Variants in TTC28 observed in about 807,000 individuals in gnomAD.
The protein encoded by TTC28 is tetratricopeptide repeat domain 28, also known as tetratricopeptide repeat protein 28.
A neutral mutation model predicts 198.0 loss-of-function variants in TTC28; 61 were observed. The ratio of observed to expected loss-of-function variants is 0.31; its 90% CI spans 0.25 to 0.38. TTC28 has a LOEUF of 0.38. TTC28 is among the 10% of genes least tolerant of loss of function. The pLI, the probability that TTC28 is intolerant of heterozygous loss-of-function variation, is 1.00. For synonymous variants in TTC28, 1,171 were observed against 1,297.8 expected, an observed-to-expected ratio of 0.90 and a Z score of 2.10; for missense variants, 2,678 against 3,164.0, an observed-to-expected ratio of 0.85 and a Z score of 3.69.
At chr22:28,210,498 G>A (rs1294201130) in intron 5 of TTC28, among the ~76,000 whole-genome samples, 2 of 152,096 alleles carry the variant, frequency 1.3e-5, no homozygotes, top group African/African-American at 2.4e-5. Context: ...ACATACACAA[G>A]CTTCAGCAGC....
chr22:28,018,211 T>A (rs577070205), intron 13 of TTC28, among the ~76,000 whole-genome samples: 4 of 149,404 alleles, frequency 2.7e-5, no homozygotes, highest in Admixed American at 2.0e-4. Flanking sequence ...AGGCGGTCCT[T>A]TGAGAATACT....
intron 5 of TTC28, among the ~76,000 whole-genome samples, chr22:28,184,806 T>G (rs1377364092): frequency 6.6e-6 from 1 of 152,086 alleles, no homozygotes; most frequent in East Asian, 1.9e-4. Flanking sequence ...AAAGGAAATA[T>G]GTTCAGTAAC....
At chr22:28,618,902 GGATCCT>G (rs2050946230) in intron 2 of TTC28, among the ~76,000 whole-genome samples, 1 of 151,864 alleles carries the variant, frequency 6.6e-6, no homozygotes, top group Non-Finnish European at 1.5e-5. Flanking sequence ...TACACTTATA[GGATCCT>G]ATATTAATAG....
chr22:28,129,097 G>A (rs1246345955), intron 6 of TTC28, among the ~76,000 whole-genome samples: 1 of 152,166 alleles, frequency 6.6e-6, no homozygotes, highest in Non-Finnish European at 1.5e-5. Flanking sequence ...CATGTAACAA[G>A]TACCCAAATG....
chr22:28,181,138 T>G (rs189504944), intron 5 of TTC28, among the ~76,000 whole-genome samples: 1 of 152,340 alleles, frequency 6.6e-6, no homozygotes, highest in African/African-American at 2.4e-5. Context: ...AGAGGAGCTT[T>G]CATAATAATT....
chr22:28,128,340 A>T lies in TTC28; in HGVS notation c.1442-19937T>A, dbSNP rs986553914. ...CTCAAAAAAACAAAAAAAAAAGTAC[A>T]GTAAAGAGAAAAGAACATGGGCTAT... On this transcript the variant is annotated intron_variant, in intron 6 of 22. Transcript: ENST00000397906. Among the ~76,000 whole-genome samples the T allele has an allele frequency of 5.3e-5, 8 of 152,132 alleles. No individual in the cohort carries two copies. In the South Asian group the frequency reaches 1.7e-3, roughly 31 times the overall value.
chr22:28,346,228 C>G (rs2045900416), intron 2 of TTC28, among the ~76,000 whole-genome samples: 1 of 152,212 alleles, frequency 6.6e-6, no homozygotes, highest in Non-Finnish European at 1.5e-5. Flanking sequence ...TCAGGTCTGT[C>G]TAACTTCCTA....
intron 2 of TTC28, among the ~76,000 whole-genome samples, chr22:28,550,797 A>T (rs2049653969): frequency 6.6e-6 from 1 of 152,100 alleles, no homozygotes; most frequent in Admixed American, 6.5e-5. Flanking sequence ...CTAGAAAAAA[A>T]TTTGAATGGA....
At position 28,255,408 on chromosome 22, in the gene TTC28, C is replaced by T. The variant is rs1015579752; in HGVS notation, c.933+40790G>A. On this transcript the variant is annotated intron_variant, in intron 5 of 22. Transcript: ENST00000397906. ...GTATTAAAAAGACAGGCAGCCCGGGCGCAGTGGCTCACACCTGTAATCCCA... is the reference window on the plus strand; with the variant it reads ...GTATTAAAAAGACAGGCAGCCCGGGTGCAGTGGCTCACACCTGTAATCCCA... Among the ~76,000 whole-genome samples the T allele has an allele frequency of 4.6e-5, 7 of 152,224 alleles. No individual in the cohort carries two copies. In the East Asian group the frequency reaches 1.2e-3, roughly 25 times the overall value.
chr22:28,410,314 C>T (rs1272582370), intron 2 of TTC28, among the ~76,000 whole-genome samples: 2 of 152,174 alleles, frequency 1.3e-5, no homozygotes, highest in African/African-American at 2.4e-5. Flanking sequence ...TATTCCTCTT[C>T]TTCTTACTAA....
At chr22:28,571,983 A>AT (rs1341992334) in intron 2 of TTC28, among the ~76,000 whole-genome samples, 1 of 151,426 alleles carries the variant, frequency 6.6e-6, no homozygotes, top group Non-Finnish European at 1.5e-5. Context: ...CAAAAAAAAA[A>AT]CCGATAATGT....
At chr22:28,633,439 G>C (rs922519558) in intron 1 of TTC28, among the ~76,000 whole-genome samples, 3 of 151,990 alleles carry the variant, frequency 2.0e-5, no homozygotes, top group Non-Finnish European at 4.4e-5. Context: ...GACCAGCCTG[G>C]GCAACAAAGC....
At chr22:28,196,825 A>T (rs1925399031) in intron 5 of TTC28, among the ~76,000 whole-genome samples, 1 of 152,170 alleles carries the variant, frequency 6.6e-6, no homozygotes, top group South Asian at 2.1e-4. Flanking sequence ...TATTGGTGGG[A>T]CTGTAAACTA....
At chr22:28,520,266 C>T (rs971455793) in intron 2 of TTC28, among the ~76,000 whole-genome samples, 1 of 152,190 alleles carries the variant, frequency 6.6e-6, no homozygotes, top group Non-Finnish European at 1.5e-5. Context: ...AATGAACTAA[C>T]ATCTGGGAAG....
At chr22:28,187,484 AT>A (rs1924307549) in intron 5 of TTC28, among the ~76,000 whole-genome samples, 2 of 151,724 alleles carry the variant, frequency 1.3e-5, no homozygotes, top group Admixed American at 1.3e-4. Flanking sequence ...CACAACCACT[AT>A]ATACTATACA....
chr22:28,642,203 A>G (rs1414934103), intron 1 of TTC28, among the ~76,000 whole-genome samples: 1 of 151,826 alleles, frequency 6.6e-6, no homozygotes, highest in Non-Finnish European at 1.5e-5. Flanking sequence ...TCATTTTTAA[A>G]TTTGATTAAT....
intron 2 of TTC28, among the ~76,000 whole-genome samples, chr22:28,328,801 T>A (rs3888462): frequency 0.022 from 2,122 of 96,320 alleles, 67 homozygotes; most frequent in African/African-American, 0.08. Flanking sequence ...ATAATAATAA[T>A]AATATGTTCT....
rs531362952 is a variant in TTC28 at position 28,283,861 on chromosome 22, A to G, written c.933+12337T>C. Among the ~76,000 whole-genome samples, 521 of 152,240 alleles carry G rather than the reference A, an allele frequency of 3.4e-3. 3 individuals carry two copies. Among genetic ancestry groups the G allele is most frequent in the African/African-American group, 0.012 (486 of 41,548 alleles). On this transcript the variant is annotated intron_variant, in intron 5 of 22. Coordinates refer to ENST00000397906, the MANE Select transcript of TTC28 (RefSeq NM_001145418.2). ...ACTACATGTCGTTGGAAGTATCCTT[A>G]TTGAATGTGAATTTTAGATTTTAGT...
intron 12 of TTC28, among the ~76,000 whole-genome samples, chr22:28,040,376 A>G (rs933367078): frequency 6.6e-6 from 1 of 152,190 alleles, no homozygotes; most frequent in Middle Eastern, 3.2e-3. Flanking sequence ...GCACATAAAA[A>G]AGCTTATCCA....
Sources: allele counts gnomAD v4.1 joint callset (sites outside exome capture counted in the v4.1 genomes callset), GRCh38; gene constraint gnomAD v4.1.1; transcripts MANE v1.5; gene names NCBI Gene and HGNC (gene_info 2026-07-23, HGNC 2026-07-21).